LAMB1: variants seen among roughly 807,000 people sequenced by gnomAD.
LAMB1 encodes laminin subunit beta 1.
LAMB1 carries 121 observed loss-of-function variants against 222.3 expected under a neutral mutation model. The ratio of observed to expected loss-of-function variants is 0.54; its 90% CI spans 0.47 to 0.63. The LOEUF (loss-of-function observed/expected upper bound fraction) is 0.63. Ranked by LOEUF, LAMB1 falls within the 30% of genes least tolerant of loss-of-function variation. The pLI is 0.00. For synonymous variants in LAMB1, 794 were observed against 807.2 expected, an observed-to-expected ratio of 0.98 and a Z score of 0.28; for missense variants, 2,172 against 2,240.8, an observed-to-expected ratio of 0.97 and a Z score of 0.62.
In LAMB1 at chr7:107,986,316, C is replaced by T; in HGVS notation, c.471G>A (p.Gly157=). 1 of 1,610,364 alleles carries T rather than the reference C, an allele frequency of 6.2e-7. No individual in the cohort carries two copies. Among genetic ancestry groups the T allele is most frequent in the Non-Finnish European group, 8.5e-7 (1 of 1,177,096 alleles). Residue 157 remains glycine, a synonymous_variant, in exon 6 of 34, where the codon GGG becomes GGA. Transcript: ENST00000222399. The part of the protein sequence containing the change: ...AMLIERSSDF[G]KTWGVYRYFA... ...AGTATCTATACACACCCCAGGTTTT[C>T]CCAAAGTCGGACGATCGTTCTATCA...
Position 107,924,323 on chromosome 7 carries a change from C to G in LAMB1, c.5131G>C (p.Glu1711Gln), listed in dbSNP as rs2032508819. The G allele has an allele frequency of 1.2e-6, 2 of 1,612,906 alleles. No homozygotes were observed. The highest frequency in any genetic ancestry group is 1.7e-6 in the Non-Finnish European group (2 of 1,179,448). ...GCTTTCCTTCTGGCATCAGCTGACTCTTCAGTTTTTTTGGCAATTAAATTT... is the reference window on the plus strand; with the variant it reads ...GCTTTCCTTCTGGCATCAGCTGACTGTTCAGTTTTTTTGGCAATTAAATTT... ...VENLIAKKTE[E>Q]SADARRKAEM... is the part of the protein sequence containing the mutation. The change falls in exon 33 of 34, where the codon GAG (glutamate) becomes CAG (glutamine). Residue 1711 changes from glutamate (E) to glutamine (Q), a missense_variant. Transcript: ENST00000222399.
intron 30 of LAMB1, 64 bp downstream of exon 30, chr7:107,929,348 A>G: frequency 6.6e-7 from 1 of 1,524,114 alleles, no homozygotes; most frequent in Non-Finnish European, 9.1e-7. Context: ...TTGGTTAAAG[A>G]GATACTTTTT....
Position 107,926,213 on chromosome 7 carries a change from A to C in LAMB1, c.5034T>G (p.Thr1678=). Residue 1678 remains threonine, a synonymous_variant, in exon 32 of 34, where the codon ACT becomes ACG. Coordinates refer to ENST00000222399, the MANE Select transcript of LAMB1 (RefSeq NM_002291.3). ...TAACATCTTCTGCACTTTGCTTCAC[A>C]GTATATACTACTTTTTCAATATATT... The part of the protein sequence containing the change: ...EAEYIEKVVY[T]VKQSAEDVKK... 1 of 1,613,854 alleles carries C rather than the reference A, an allele frequency of 6.2e-7. No homozygotes were observed. Among genetic ancestry groups the C allele is most frequent in the Non-Finnish European group, 8.5e-7 (1 of 1,179,784 alleles).
chr7:107,951,920 G>T, intron 23 of LAMB1, 89 bp downstream of exon 23: 2 of 1,089,272 alleles, frequency 1.8e-6, no homozygotes, highest in Non-Finnish European at 2.7e-6. Context: ...CAAGCTGTGT[G>T]CCCTGGTGCC....
At chr7:107,982,372 C>T (rs1456625889) in intron 7 of LAMB1, among the ~76,000 whole-genome samples, 1 of 152,222 alleles carries the variant, frequency 6.6e-6, no homozygotes, top group African/African-American at 2.4e-5. Flanking sequence ...GATATTTTCA[C>T]AGCCCAAATA....
At chr7:107,932,097 T>A in intron 28 of LAMB1, 77 bp downstream of exon 28, 1 of 1,280,396 alleles carries the variant, frequency 7.8e-7, no homozygotes, top group Admixed American at 1.7e-5. Flanking sequence ...TAGAATTGAT[T>A]TCTCCCTTTC....
In LAMB1 at chr7:107,937,114, T is replaced by G; in HGVS notation, c.3925A>C (p.Ile1309Leu). ...VKELAEQLEF[I>L]KNSDIRGALD... ...TCACCCCGAATATCTGAGTTTTTGA[T>G]AAATTCCAGTTGTTCAGCAAGTTCT... The change falls in exon 26 of 34, where the codon ATC (isoleucine) becomes CTC (leucine). Residue 1309 changes from isoleucine to leucine, a missense_variant. Transcript: ENST00000222399. The G allele has an allele frequency of 6.2e-7, 1 of 1,613,844 alleles. No homozygotes were observed. Among genetic ancestry groups the G allele is most frequent in the Admixed American group, 1.7e-5 (1 of 59,984 alleles).
intron 10 of LAMB1, 69 bp downstream of exon 10, chr7:107,975,617 GACT>G (rs2033837516): frequency 4.9e-6 from 7 of 1,424,986 alleles, no homozygotes. Flanking sequence ...TGAGCTCTGA[GACT>G]ACTGACTATT....
At chr7:107,951,819 A>G (rs938182418) in intron 23 of LAMB1, among the ~76,000 whole-genome samples, 190 bp downstream of exon 23, 1 of 152,198 alleles carries the variant, frequency 6.6e-6, no homozygotes, top group African/African-American at 2.4e-5. Context: ...CTGAAATGCT[A>G]TGGATGTGTC....
chr7:107,988,621 T>C (rs2034125766), intron 5 of LAMB1, among the ~76,000 whole-genome samples: 1 of 152,218 alleles, frequency 6.6e-6, no homozygotes. Flanking sequence ...TTTCATATGC[T>C]GAAGACCTAA....
At chr7:107,990,599 T>C (rs979779188) in intron 5 of LAMB1, among the ~76,000 whole-genome samples, 1 of 152,220 alleles carries the variant, frequency 6.6e-6, no homozygotes, top group African/African-American at 2.4e-5. Flanking sequence ...AAGAAAAGAA[T>C]GGCTACTCCA....
rs200599445 is a variant in LAMB1, at chr7:107,935,347, GTTTTTTTTTT to G, written c.4188+58_4188+67del. The G allele has an allele frequency of 3.8e-5, 45 of 1,173,198 alleles. No individual in the cohort carries two copies. In the East Asian group the frequency reaches 4.8e-4, roughly 13 times the overall value. The allele number at this position is 1,173,198 out of a possible 1,614,324, so 72.7% of individuals were successfully genotyped here. A position where few individuals can be genotyped will look rare whatever the true frequency, so the allele number is the denominator to read the frequency against. On this transcript the variant is annotated intron_variant, in intron 27 of 33. Transcript: ENST00000222399. ...GACAAAAGATGGTTTGTTTTTCTTTGTTTTTTTTTTTTTTTTTTTTTTTTTTGCTTGGCAC... is the reference window on the plus strand; with the variant it reads ...GACAAAAGATGGTTTGTTTTTCTTTGTTTTTTTTTTTTTTTTGCTTGGCAC...
intron 24 of LAMB1, among the ~76,000 whole-genome samples, chr7:107,945,632 T>A (rs771788369): frequency 6.6e-6 from 1 of 152,224 alleles, no homozygotes; most frequent in Admixed American, 6.5e-5. Context: ...CAGGGCCACA[T>A]AGGCCTGGCT....
chr7:107,936,528 C>T (rs1050638815), intron 26 of LAMB1, among the ~76,000 whole-genome samples: 2 of 152,136 alleles, frequency 1.3e-5, no homozygotes, highest in Non-Finnish European at 2.9e-5. Context: ...CCCATGGATA[C>T]CAAGGGATGA....
In LAMB1 at chr7:107,924,028, C is replaced by A; in HGVS notation, c.5284G>T (p.Ala1762Ser). Residue 1762 changes from alanine (A) to serine (S), a missense_variant, in exon 34 of 34, where the codon GCA becomes TCA. Physicochemically the swap from Ala to Ser is moderately conservative, Grantham distance 99. Transcript: ENST00000222399. ...RYLEDKAQEL[A>S]RLEGEVRSLL... Reference sequence around the variant, plus strand: ...GAACGGACTTCTCCTTCCAGTCTTGCTAATTCTTGAGCTTTATCTTCTAAG... The same window carrying A: ...GAACGGACTTCTCCTTCCAGTCTTGATAATTCTTGAGCTTTATCTTCTAAG... 1 of 1,591,854 alleles carries A rather than the reference C, an allele frequency of 6.3e-7. No homozygotes were observed. The highest frequency in any genetic ancestry group is 8.5e-7 in the Non-Finnish European group (1 of 1,174,566).
At chr7:107,986,917 G>A (rs2034089941) in intron 5 of LAMB1, among the ~76,000 whole-genome samples, 1 of 152,194 alleles carries the variant, frequency 6.6e-6, no homozygotes, top group Admixed American at 6.5e-5. Context: ...AACTCAAGAA[G>A]CTGGAAAATC....
At position 107,961,189 on chromosome 7, in the gene LAMB1, A is replaced by G. The variant is rs770103921; in HGVS notation, c.2109+17T>C. ...CCCAGGCTTTCCTGCATATGCCAGAAGCAATCTCGCACTTACAGAATCGAT... is the reference window on the plus strand; with the variant it reads ...CCCAGGCTTTCCTGCATATGCCAGAGGCAATCTCGCACTTACAGAATCGAT... On this transcript the variant is annotated intron_variant, in intron 17 of 33. Coordinates refer to ENST00000222399, the MANE Select transcript of LAMB1 (RefSeq NM_002291.3). The G allele has an allele frequency of 3.1e-6, 5 of 1,613,836 alleles. No individual in the cohort carries two copies.
At chr7:107,937,039 T>TA (rs1562977407) in intron 26 of LAMB1, 54 bp downstream of exon 26, 3 of 1,454,104 alleles carry the variant, frequency 2.1e-6, no homozygotes, top group Non-Finnish European at 2.9e-6. Flanking sequence ...ATTAAAACGT[T>TA]AGACATATCG....
intron 2 of LAMB1, 94 bp downstream of exon 2, chr7:108,002,755 C>T (rs540521635): frequency 1.2e-4 from 183 of 1,551,304 alleles, no homozygotes; most frequent in Non-Finnish European, 1.6e-4. Context: ...CTCCCAAGCC[C>T]CCAGGATCCC....
Sources: gnomAD v4.1 joint callset for allele counts (sites outside exome capture counted in the v4.1 genomes callset) on GRCh38, gnomAD v4.1.1 for gene constraint, MANE v1.5 for transcripts, NCBI Gene and HGNC (gene_info 2026-07-23, HGNC 2026-07-21) for gene names.